Variants in KIF14 observed in about 807,000 individuals in gnomAD.
The protein encoded by KIF14 is kinesin-like protein KIF14.
In KIF14, 98 loss-of-function variants were observed where a neutral mutation model predicts 176.2. The observed-to-expected ratio is 0.56, with a 90% CI of 0.47 to 0.66. The LOEUF (loss-of-function observed/expected upper bound fraction) is 0.66. Among genes scored for constraint, KIF14 ranks in the 30% least tolerant of loss-of-function variants. The probability of loss-of-function intolerance (pLI) is 0.00; values close to 1 mark genes in which losing one functional copy is unlikely to be tolerated. For missense variants in KIF14, 1,751 were observed against 1,920.4 expected (o/e 0.91, Z 1.65); for synonymous variants, 566 against 632.2 (o/e 0.90, Z 1.57).
chr1:200,590,002 C>T (rs1305352801), intron 17 of KIF14, 123 bp downstream of exon 17: 3 of 1,009,844 alleles, frequency 3.0e-6, no homozygotes, highest in Non-Finnish European at 2.9e-6. Flanking sequence ...CTCACTGTGG[C>T]TTTGATTCAC....
At chr1:200,572,017 A>T (rs973518965) in intron 22 of KIF14, among the ~76,000 whole-genome samples, 1 of 152,242 alleles carries the variant, frequency 6.6e-6, no homozygotes, top group Admixed American at 6.5e-5. Context: ...ATTGCCCAGT[A>T]GAAGTTCTAT....
intron 5 of KIF14, among the ~76,000 whole-genome samples, chr1:200,608,515 G>A (rs1446289178): frequency 6.6e-6 from 1 of 151,786 alleles, no homozygotes; most frequent in African/African-American, 2.4e-5. Flanking sequence ...GGTGCAATCC[G>A]CCACACCCGG....
Position 200,601,761 on chromosome 1 carries a change from C to A in KIF14, c.2152+135G>T, listed in dbSNP as rs527787007. The A allele has an allele frequency of 9.6e-6, 6 of 626,284 alleles. No homozygotes were observed. The East Asian group carries it at 1.7e-4, about 17-fold the overall frequency. 38.8% of individuals were successfully genotyped at this position (626,284 alleles called of 1,614,324 possible). On this transcript the variant is annotated intron_variant, in intron 11 of 29. Coordinates refer to ENST00000367350, the MANE Select transcript of KIF14 (RefSeq NM_014875.3). ...ACCTATCATCCTCCATCACTATAGG[C>A]TGATGACTAGAATCTATTAAAATAG...
chr1:200,566,824 T>G (rs139431820), intron 23 of KIF14, among the ~76,000 whole-genome samples: 2 of 152,120 alleles, frequency 1.3e-5, no homozygotes, highest in African/African-American at 4.8e-5. Context: ...TTACATAAAA[T>G]TAGAAGTATA....
intron 14 of KIF14, among the ~76,000 whole-genome samples, chr1:200,595,792 C>G (rs780148031): frequency 6.6e-6 from 1 of 150,564 alleles, no homozygotes; most frequent in Non-Finnish European, 1.5e-5. Context: ...ACTAAAAATA[C>G]AAAAAACTAG....
chr1:200,562,688 G>A (rs1444072877), intron 25 of KIF14, among the ~76,000 whole-genome samples: 2 of 151,972 alleles, frequency 1.3e-5, no homozygotes, highest in African/African-American at 4.8e-5. Flanking sequence ...TTTGCTCTCT[G>A]GCCAATCCTA....
At chr1:200,591,783 C>T (rs1321873011) in intron 16 of KIF14, among the ~76,000 whole-genome samples, 1 of 152,158 alleles carries the variant, frequency 6.6e-6, no homozygotes, top group African/African-American at 2.4e-5. Context: ...GGACTCTTGT[C>T]AGAGAACTGT....
At position 200,551,990 on chromosome 1, in the gene KIF14, T is replaced by C. The variant is rs1360022667; in HGVS notation, c.*1398A>G. 1 of 152,244 alleles carries C rather than the reference T, an allele frequency of 6.6e-6. No individual in the cohort carries two copies. Among genetic ancestry groups the C allele is most frequent in the Non-Finnish European group, 1.5e-5 (1 of 68,038 alleles). The allele number at this position is 152,244 out of a possible 1,614,324, so 9.4% of individuals were successfully genotyped here. ...CACACAAGGTTCACTAATACTGTTC[T>C]GACTGCAATGACTGTATTTACTTAC... On this transcript the variant is annotated 3_prime_UTR_variant, in exon 30 of 30. Transcript: ENST00000367350.
chr1:200,596,025 TG>T (rs1167771685), intron 14 of KIF14, among the ~76,000 whole-genome samples: 4 of 149,470 alleles, frequency 2.7e-5, no homozygotes, highest in Non-Finnish European at 4.4e-5. Context: ...GAGGTCAAGG[TG>T]GGCGGATCAC....
chr1:200,575,678 T>G lies in KIF14; in HGVS notation c.3479A>C (p.Asn1160Thr). The change falls in exon 22 of 30, where the codon AAC (asparagine) becomes ACC (threonine). Residue 1160 changes from asparagine (N) to threonine (T), a missense_variant. Transcript: ENST00000367350. Reference sequence around the variant, plus strand: ...ATCACAAAAGGCATCTTCACCCCTGTTACTACCATTACTCTAAGAAAAATA... The same window carrying G: ...ATCACAAAAGGCATCTTCACCCCTGGTACTACCATTACTCTAAGAAAAATA... ...MKELYESNGS[N>T]RGEDAFCDPE... 1 of 1,558,114 alleles carries G rather than the reference T, an allele frequency of 6.4e-7. No individual in the cohort carries two copies. The highest frequency in any genetic ancestry group is 2.3e-5 in the East Asian group (1 of 44,302).
At chr1:200,583,831 A>C (rs1558065744) in intron 19 of KIF14, among the ~76,000 whole-genome samples, 5 of 151,896 alleles carry the variant, frequency 3.3e-5, no homozygotes, top group Admixed American at 1.3e-4. Context: ...AATCCCAGCT[A>C]CTCAGGAAGC....
At chr1:200,599,183 T>G (rs1419192569) in intron 13 of KIF14, among the ~76,000 whole-genome samples, 1 of 152,312 alleles carries the variant, frequency 6.6e-6, no homozygotes, top group Non-Finnish European at 1.5e-5. Context: ...GTAAATTCCC[T>G]GGTCACTTTT....
intron 14 of KIF14, among the ~76,000 whole-genome samples, chr1:200,597,377 G>C (rs1659406673): frequency 6.6e-6 from 1 of 152,064 alleles, no homozygotes; most frequent in Admixed American, 6.5e-5. Context: ...TAAGAAATAA[G>C]CAAATCAGTT....
chr1:200,609,958 G>T (rs1660069825), intron 4 of KIF14, among the ~76,000 whole-genome samples: 1 of 152,172 alleles, frequency 6.6e-6, no homozygotes. Context: ...ACCACATATT[G>T]CATGATTCCA....
Position 200,554,523 on chromosome 1 carries a change from T to C in KIF14, c.4512A>G (p.Leu1504=). ...CTTTCTCTAAGCAATGTTTTAACTTTAAGAATTCTGGAGCACGATTAACCA... is the reference window on the plus strand; with the variant it reads ...CTTTCTCTAAGCAATGTTTTAACTTCAAGAATTCTGGAGCACGATTAACCA... ...KRMVNRAPEF[L]KLKHCLEKAI... is the part of the protein sequence containing the mutation. The change falls in exon 29 of 30, where the codon TTA becomes TTG. Residue 1504 remains leucine, a synonymous_variant. Coordinates refer to ENST00000367350, the MANE Select transcript of KIF14 (RefSeq NM_014875.3). The C allele has an allele frequency of 6.4e-7, 1 of 1,552,666 alleles. No individual in the cohort carries two copies. The highest frequency in any genetic ancestry group is 1.1e-5 in the South Asian group (1 of 88,278).
chr1:200,593,225 G>A (rs917167938), intron 15 of KIF14, among the ~76,000 whole-genome samples: 1 of 152,190 alleles, frequency 6.6e-6, no homozygotes, highest in Non-Finnish European at 1.5e-5. Context: ...TGAAAGGCAG[G>A]ATATATAGAG....
rs1656658710 is a variant in KIF14, at chr1:200,553,467, T to C, written c.4868A>G (p.Lys1623Arg). Residue 1623 changes from lysine (K) to arginine (R), a missense_variant, in exon 30 of 30, where the codon AAG becomes AGG. Physicochemically the swap from Lys to Arg is conservative, Grantham distance 26. Transcript: ENST00000367350. ...IDGSKNKGVP[K>R]RVYELHGSSP... ...TGAGCCATGGAGCTCATAGACACGC[T>C]TTGGTACACCTTTATTCTTACTGCC... The C allele has an allele frequency of 6.2e-7, 1 of 1,614,112 alleles. No homozygotes were observed. Among genetic ancestry groups the C allele is most frequent in the Non-Finnish European group, 8.5e-7 (1 of 1,180,036 alleles).
rs770904864 is a variant in KIF14, at chr1:200,605,272, A to G, written c.1746+11T>C. 2 of 1,575,422 alleles carry G rather than the reference A, an allele frequency of 1.3e-6. No homozygotes were observed. Among genetic ancestry groups the G allele is most frequent in the Admixed American group, 3.4e-5 (2 of 58,174 alleles). On this transcript the variant is annotated intron_variant, in intron 8 of 29. Transcript: ENST00000367350. ...AAACTGAAAGAGATCGGGAACTTTT[A>G]AAAAAAATACCTTGGTCTGGGTCAT... is the stretch of plus-strand genomic sequence containing the variant.
chr1:200,561,880 G>A (rs189320551), intron 25 of KIF14, among the ~76,000 whole-genome samples: 109 of 152,238 alleles, frequency 7.2e-4, no homozygotes, highest in South Asian at 2.7e-3. Flanking sequence ...ATAAAGATAT[G>A]ATTTTCTCAA....
Sources: gnomAD v4.1 joint callset for allele counts (sites outside exome capture counted in the v4.1 genomes callset) on GRCh38, gnomAD v4.1.1 for gene constraint, MANE v1.5 for transcripts, NCBI Gene and HGNC (gene_info 2026-07-23, HGNC 2026-07-21) for gene names.